The following DGUOK variants were observed in gnomAD, a reference collection of about 807,000 sequenced individuals.
DGUOK encodes the protein deoxyguanosine kinase, also known as deoxyguanosine kinase, mitochondrial.
Under a neutral mutation model 36.6 loss-of-function variants are expected in DGUOK, and 30 were observed. The observed-to-expected ratio is 0.82, with a 90% CI of 0.61 to 1.11. The LOEUF is 1.11. DGUOK is among the 50% of genes most tolerant of loss of function. DGUOK has a pLI of 0.00. For synonymous variants in DGUOK, 145 were observed against 126.3 expected, an observed-to-expected ratio of 1.15 and a Z score of -0.99; for missense variants, 361 against 336.4, an observed-to-expected ratio of 1.07 and a Z score of -0.57.
chr2:73,950,459 G>A (rs1269542887), intron 3 of DGUOK, 126 bp from the exon 4 acceptor site: 1 of 992,146 alleles, frequency 1.0e-6, no homozygotes, highest in Non-Finnish European at 1.6e-6. Flanking sequence ...AGCTAGAAAG[G>A]TTAAGTGGTT....
At chr2:73,940,006 A>G (rs1190210115) in intron 2 of DGUOK, among the ~76,000 whole-genome samples, 1 of 149,080 alleles carries the variant, frequency 6.7e-6, no homozygotes, top group Non-Finnish European at 1.5e-5. Flanking sequence ...GGTTCAAGTG[A>G]TTCTCATGCC....
chr2:73,938,811 G>C, intron 1 of DGUOK, 99 bp from the exon 2 acceptor site: 1 of 812,842 alleles, frequency 1.2e-6, no homozygotes. Context: ...ACTAATACTT[G>C]TTCCCTTGAG....
intron 4 of DGUOK, among the ~76,000 whole-genome samples, chr2:73,956,749 C>T (rs1683123976): frequency 6.6e-6 from 1 of 152,106 alleles, no homozygotes; most frequent in African/African-American, 2.4e-5. Flanking sequence ...AAAGAGGACC[C>T]GACCAGGGCA....
intron 3 of DGUOK, chr2:73,947,857 T>C (rs1395640182): frequency 1.3e-5 from 2 of 152,234 alleles, no homozygotes; most frequent in Non-Finnish European, 2.9e-5. Context: ...TTGTCACTGC[T>C]GAAGACACTC....
chr2:73,957,257 G>C lies in DGUOK; in HGVS notation c.707+17G>C, dbSNP rs746124008. 1.3e-6 allele frequency: 2 copies of C among 1,596,488 alleles called. No homozygotes were observed. Among genetic ancestry groups the C allele is most frequent in the South Asian group, 1.1e-5 (1 of 90,340 alleles). ...GACAACGAAGTAAGTGGGGAGAAAA[G>C]AATGTATCAGAGACAGAGACCTGGC... On this transcript the variant is annotated intron_variant, in intron 5 of 6. Coordinates refer to ENST00000264093, the MANE Select transcript of DGUOK (RefSeq NM_080916.3).
intron 3 of DGUOK, among the ~76,000 whole-genome samples, chr2:73,948,240 A>T (rs1052717829): frequency 6.6e-6 from 1 of 152,004 alleles, no homozygotes; most frequent in African/African-American, 2.4e-5. Context: ...TTGGAAACAT[A>T]GTCAGTCTTT....
chr2:73,945,471 C>T (rs1323184489), intron 2 of DGUOK, among the ~76,000 whole-genome samples: 1 of 152,206 alleles, frequency 6.6e-6, no homozygotes, highest in Non-Finnish European at 1.5e-5. Flanking sequence ...AAACCTTGCA[C>T]AAGTAAGTTA....
intron 3 of DGUOK, 73 bp from the exon 4 acceptor site, chr2:73,950,512 T>C (rs951847350): frequency 1.6e-5 from 25 of 1,517,436 alleles, no homozygotes; most frequent in Non-Finnish European, 1.8e-6. Context: ...TTTCTGCTTC[T>C]CTCTCTCTCT....
At position 73,958,835 on chromosome 2, in the gene DGUOK, T is replaced by G; in HGVS notation, c.*99T>G. On this transcript the variant is annotated 3_prime_UTR_variant, in exon 7 of 7. Coordinates refer to ENST00000264093, the MANE Select transcript of DGUOK (RefSeq NM_080916.3). ...ACCACCTTTCCATCCCCAGCCCCTC[T>G]CATCCCTGGAGCACTCTGCCGCTCA... 9.8e-7 allele frequency: 1 copy of G among 1,015,662 alleles called. No individual in the cohort carries two copies. The highest frequency in any genetic ancestry group is 1.6e-6 in the Non-Finnish European group (1 of 634,780). The allele number at this position is 1,015,662 out of a possible 1,614,324, so 62.9% of individuals were successfully genotyped here.
At chr2:73,953,285 T>G (rs1682830334) in intron 4 of DGUOK, among the ~76,000 whole-genome samples, 1 of 93,624 alleles carries the variant, frequency 1.1e-5, no homozygotes. Flanking sequence ...ATGATCATCA[T>G]CATCATCGTC....
chr2:73,941,671 T>G (rs1391099936), intron 2 of DGUOK, among the ~76,000 whole-genome samples: 1 of 152,152 alleles, frequency 6.6e-6, no homozygotes, highest in Non-Finnish European at 1.5e-5. Context: ...GAATGTTTAG[T>G]TTTCTAATTT....
intron 1 of DGUOK, among the ~76,000 whole-genome samples, chr2:73,930,450 TATG>T (rs1026619223): frequency 2.6e-5 from 4 of 152,158 alleles, no homozygotes; most frequent in Non-Finnish European, 5.9e-5. Flanking sequence ...ATTATTTAAA[TATG>T]ATGTTTTGTA....
In DGUOK at chr2:73,950,177, T is replaced by TA. The variant is rs200238532; in HGVS notation, c.444-408_444-407insA. Among the ~76,000 whole-genome samples the TA allele has an allele frequency of 7.1e-4, 73 of 102,558 alleles. 1 individual carries two copies. The highest frequency in any genetic ancestry group is 2.0e-3 in the African/African-American group (71 of 36,106). The allele number at this position is 102,558 out of a possible 152,430, so 67.3% of individuals were successfully genotyped here. A position where few individuals can be genotyped will look rare whatever the true frequency, so the allele number is the denominator to read the frequency against. ...TGGGTGGATTTATACTGGATTCACT[T>TA]GTTTATTTGTTTTGGGCCTTGCTAT... On this transcript the variant is annotated intron_variant, in intron 3 of 6. Coordinates refer to ENST00000264093, the MANE Select transcript of DGUOK (RefSeq NM_080916.3).
In DGUOK at chr2:73,946,872, G is replaced by A; in HGVS notation, c.409G>A (p.Val137Ile). The change falls in exon 3 of 7, where the codon GTA becomes ATA. Residue 137 changes from valine to isoleucine, a missense_variant. Transcript: ENST00000264093. The part of the protein sequence containing the change: ...PEKLLQARKP[V>I]QIFERSVYSD... ...GAAACTCTTACAGGCCAGGAAGCCA[G>A]TACAGATCTTTGAGAGGTCTGTGTA... 1 of 1,613,634 alleles carries A rather than the reference G, an allele frequency of 6.2e-7. No homozygotes were observed. Among genetic ancestry groups the A allele is most frequent in the South Asian group, 1.1e-5 (1 of 91,008 alleles).
intron 5 of DGUOK, 84 bp from the exon 6 acceptor site, chr2:73,958,062 T>A: frequency 9.6e-7 from 1 of 1,040,216 alleles, no homozygotes; most frequent in Non-Finnish European, 1.5e-6. Flanking sequence ...ATCTGTTCTC[T>A]GAGTAAGACT....
At chr2:73,929,876 G>C (rs1216356250) in intron 1 of DGUOK, among the ~76,000 whole-genome samples, 2 of 152,164 alleles carry the variant, frequency 1.3e-5, no homozygotes, top group South Asian at 4.1e-4. Flanking sequence ...GAAGTCATGG[G>C]GTGGTAGCTG....
intron 4 of DGUOK, among the ~76,000 whole-genome samples, chr2:73,952,931 G>A (rs1047175288): frequency 6.6e-6 from 1 of 152,082 alleles, no homozygotes; most frequent in African/African-American, 2.4e-5. Context: ...TGGAGACTGG[G>A]AAGTCCAAAT....
At chr2:73,930,971 A>AT (rs1162517106) in intron 1 of DGUOK, among the ~76,000 whole-genome samples, 9 of 150,728 alleles carry the variant, frequency 6.0e-5, no homozygotes, top group Non-Finnish European at 1.3e-4. Flanking sequence ...AATTTCTTGT[A>AT]TTTTTTAGTA....
intron 2 of DGUOK, among the ~76,000 whole-genome samples, chr2:73,939,289 GC>G (rs1681722287): frequency 6.6e-6 from 1 of 152,146 alleles, no homozygotes; most frequent in South Asian, 2.1e-4. Flanking sequence ...ATCATGGATG[GC>G]TTTGAAGATG....
Sources: allele counts gnomAD v4.1 joint callset (sites outside exome capture counted in the v4.1 genomes callset), GRCh38; gene constraint gnomAD v4.1.1; transcripts MANE v1.5; gene names NCBI Gene and HGNC (gene_info 2026-07-23, HGNC 2026-07-21).